The following ZNF451 variants were observed in gnomAD, a reference collection of about 807,000 sequenced individuals.
ZNF451 encodes the protein E3 SUMO-protein ligase ZNF451.
In ZNF451, 80 loss-of-function variants were observed where a neutral mutation model predicts 107.1. The ratio of observed to expected loss-of-function variants is 0.75; its 90% CI spans 0.62 to 0.90. The LOEUF is 0.90. ZNF451 is among the 40% of genes least tolerant of loss of function. ZNF451 has a pLI of 0.00. For synonymous variants in ZNF451, 362 were observed against 406.5 expected (o/e 0.89, Z 1.32); for missense variants, 1,107 against 1,236.2 (o/e 0.90, Z 1.57).
Position 57,170,192 on chromosome 6 carries a change from C to T in ZNF451, c.*1723C>T, listed in dbSNP as rs747494130. ...TACTTGTTAAATAATTAAAAATCAT[C>T]TTAAAATTCATACTTTGACTTTAAT... On this transcript the variant is annotated 3_prime_UTR_variant, in exon 15 of 15. Coordinates refer to ENST00000370706, the MANE Select transcript of ZNF451 (RefSeq NM_001031623.3). 7.9e-5 allele frequency: 12 copies of T among 152,202 alleles called. No individual in the cohort carries two copies. Among genetic ancestry groups the T allele is most frequent in the Non-Finnish European group, 1.8e-4 (12 of 68,040 alleles). 9.4% of individuals were successfully genotyped at this position (152,202 alleles called of 1,614,324 possible).
At chr6:57,116,484 A>C (rs1830376576) in intron 3 of ZNF451, 1 of 149,754 alleles carries the variant, frequency 6.7e-6, no homozygotes, top group East Asian at 2.0e-4. Context: ...CCAGGAGGCA[A>C]AGGTTGCAGT....
chr6:57,125,261 ATCCTTC>A (rs1339521880), intron 4 of ZNF451, among the ~76,000 whole-genome samples: 1 of 152,192 alleles, frequency 6.6e-6, no homozygotes, highest in Non-Finnish European at 1.5e-5. Context: ...ATTTTAGCTT[ATCCTTC>A]CAAATTAAAT....
At chr6:57,127,154 A>C (rs2127961759) in intron 4 of ZNF451, among the ~76,000 whole-genome samples, 1 of 152,248 alleles carries the variant, frequency 6.6e-6, no homozygotes, top group South Asian at 2.1e-4. Context: ...CATGTTATTC[A>C]GTATAGTGAT....
intron 3 of ZNF451, chr6:57,106,028 T>C: frequency 1.0e-6 from 1 of 982,166 alleles, no homozygotes; most frequent in Non-Finnish European, 1.2e-6. Context: ...TCTATATTAG[T>C]ACTACACTAA....
chr6:57,150,948 T>G, intron 11 of ZNF451, 86 bp downstream of exon 11: 1 of 1,444,860 alleles, frequency 6.9e-7, no homozygotes, highest in South Asian at 1.2e-5. Flanking sequence ...TAAACCTTCC[T>G]GGATAGAACA....
intron 11 of ZNF451, 100 bp downstream of exon 11, chr6:57,150,962 G>A: frequency 2.2e-6 from 3 of 1,336,468 alleles, no homozygotes; most frequent in Non-Finnish European, 2.1e-6. Context: ...TAGAACATAG[G>A]AACATAATTG....
At chr6:57,101,009 A>G (rs968630895) in intron 3 of ZNF451, 5 of 1,550,710 alleles carry the variant, frequency 3.2e-6, no homozygotes, top group Non-Finnish European at 4.4e-6. Flanking sequence ...GTGATACGTG[A>G]TCTGCAGTCC....
intron 3 of ZNF451, chr6:57,101,917 G>A (rs1829617050): frequency 6.4e-7 from 1 of 1,550,440 alleles, no homozygotes; most frequent in Admixed American, 2.0e-5. Flanking sequence ...CAATATAAAA[G>A]AAAATGACTA....
At position 57,160,161 on chromosome 6, in the gene ZNF451, G is replaced by A. The variant is rs1018671941; in HGVS notation, c.3071-923G>A. On this transcript the variant is annotated intron_variant, in intron 13 of 14. Coordinates refer to ENST00000370706, the MANE Select transcript of ZNF451 (RefSeq NM_001031623.3). ...GAGTGTTTCCATGTACCCATACTTA[G>A]TTTCCCTTATTAGTAACATCTTATG... Among the ~76,000 whole-genome samples, 8 of 152,224 alleles carry A rather than the reference G, an allele frequency of 5.3e-5. No individual in the cohort carries two copies. In the South Asian group the frequency reaches 1.7e-3, roughly 32 times the overall value.
chr6:57,103,121 C>T (rs1829685623), intron 3 of ZNF451: 1 of 985,292 alleles, frequency 1.0e-6, no homozygotes, highest in Non-Finnish European at 1.2e-6. Flanking sequence ...TTACACGATC[C>T]AGGCATGCAA....
intron 13 of ZNF451, among the ~76,000 whole-genome samples, chr6:57,160,275 CT>C (rs1763611594): frequency 1.3e-5 from 2 of 151,728 alleles, no homozygotes; most frequent in Admixed American, 1.3e-4. Context: ...TGTCCTTTTT[CT>C]TTTGTTTTCT....
intron 3 of ZNF451, chr6:57,104,215 A>T: frequency 7.1e-6 from 7 of 985,428 alleles, no homozygotes; most frequent in Non-Finnish European, 7.2e-6. Flanking sequence ...ACAGAAACAA[A>T]GGCCTAAGAA....
Position 57,141,313 on chromosome 6 carries a change from T to C in ZNF451, c.714T>C (p.Asp238=). The change falls in exon 8 of 15, where the codon GAT becomes GAC. Residue 238 remains aspartate (D), a synonymous_variant. Transcript: ENST00000370706. ...RDHLFDKEAT[D]DGHNNNLLPQ... is the part of the protein sequence containing the mutation. The stretch of plus-strand genomic sequence containing the variant: ...GTCTTATATTTTAGGAAGCCACAGA[T>C]GATGGACATAACAACAACCTTCTTC... 1.2e-6 allele frequency: 2 copies of C among 1,608,650 alleles called. No homozygotes were observed. Among genetic ancestry groups the C allele is most frequent in the Non-Finnish European group, 1.7e-6 (2 of 1,177,062 alleles).
At chr6:57,108,568 C>A in intron 3 of ZNF451, 1 of 985,298 alleles carries the variant, frequency 1.0e-6, no homozygotes. Flanking sequence ...AGGTATGCAG[C>A]CCGTTCCTTT....
At chr6:57,168,157 A>T (rs984186035) in intron 14 of ZNF451, among the ~76,000 whole-genome samples, 2 of 152,138 alleles carry the variant, frequency 1.3e-5, no homozygotes, top group Non-Finnish European at 2.9e-5. Flanking sequence ...AGTGATTTTA[A>T]AAGTTTGTTG....
chr6:57,156,498 G>A (rs1763431208), intron 13 of ZNF451, among the ~76,000 whole-genome samples: 1 of 152,030 alleles, frequency 6.6e-6, no homozygotes, highest in African/African-American at 2.4e-5. Context: ...AGCTAAACAT[G>A]GTGTTCCTTC....
At chr6:57,146,289 G>C (rs192705042) in intron 9 of ZNF451, among the ~76,000 whole-genome samples, 191 of 152,116 alleles carry the variant, frequency 1.3e-3, no homozygotes, top group African/African-American at 4.4e-3. Flanking sequence ...AGTCCCATTT[G>C]TCTATTTTAG....
chr6:57,097,167 C>T (rs1829368636), intron 2 of ZNF451, among the ~76,000 whole-genome samples: 1 of 152,136 alleles, frequency 6.6e-6, no homozygotes, highest in African/African-American at 2.4e-5. Flanking sequence ...TTAATTTTTA[C>T]TTCCGTGTTT....
intron 3 of ZNF451, among the ~76,000 whole-genome samples, chr6:57,111,417 G>A (rs1830110028): frequency 6.8e-6 from 1 of 147,038 alleles, no homozygotes; most frequent in Admixed American, 6.9e-5. Context: ...GTCTCACTCT[G>A]TCGCTGAGGC....
Sources: gnomAD v4.1 joint callset for allele counts (sites outside exome capture counted in the v4.1 genomes callset) on GRCh38, gnomAD v4.1.1 for gene constraint, MANE v1.5 for transcripts, NCBI Gene and HGNC (gene_info 2026-07-23, HGNC 2026-07-21) for gene names.